The following TPM4 variants were observed in gnomAD, a reference collection of about 807,000 sequenced individuals.
The protein encoded by TPM4 is tropomyosin 4.
Under a neutral mutation model 35.8 loss-of-function variants are expected in TPM4, and 17 were observed. The observed-to-expected ratio is 0.47, with a 90% CI of 0.32 to 0.71. TPM4 has a LOEUF of 0.71. TPM4 is among the 30% of genes least tolerant of loss of function. The probability of loss-of-function intolerance (pLI) is 0.03; values close to 1 mark genes in which losing one functional copy is unlikely to be tolerated. For synonymous variants in TPM4, 120 were observed against 122.9 expected (o/e 0.98, Z 0.15); for missense variants, 240 against 320.9 (o/e 0.75, Z 1.93).
intron 4 of TPM4, chr19:16,088,775 C>G (rs2090590313): frequency 8.2e-7 from 1 of 1,215,222 alleles, no homozygotes; most frequent in South Asian, 1.9e-5. Context: ...TCCTTGCAGC[C>G]TTACCCTTGG....
intron 2 of TPM4, among the ~76,000 whole-genome samples, chr19:16,084,037 C>T (rs1043443002): frequency 3.3e-5 from 5 of 152,146 alleles, no homozygotes; most frequent in Admixed American, 3.3e-4. Flanking sequence ...CGACATTCTC[C>T]TGCCTCAGCC....
Position 16,067,576 on chromosome 19 carries a change from C to T in TPM4, c.-49C>T, listed in dbSNP as rs768549925. ...GCCACAGCCCCTGACTGCCGCAGCC[C>T]CCACAGAGCCCGCCGCGCACCCCAC... is the stretch of plus-strand genomic sequence containing the variant. On this transcript the variant is annotated 5_prime_UTR_variant, in exon 2 of 3. Coordinates refer to the TPM4 transcript ENST00000589897. The surrounding 1 kb of genome is among the most constrained non-coding windows in gnomAD (Gnocchi z 4.1). The T allele has an allele frequency of 3.2e-6, 5 of 1,555,860 alleles. No homozygotes were observed. In the East Asian group the frequency reaches 1.1e-4, roughly 35 times the overall value.
chr19:16,094,209 T>G (rs1437570273), intron 7 of TPM4, among the ~76,000 whole-genome samples: 2 of 151,850 alleles, frequency 1.3e-5, no homozygotes, highest in African/African-American at 2.4e-5. Flanking sequence ...AGAGTATGGC[T>G]CTCTCTGATT....
At chr19:16,087,181 C>T (rs552754634) in intron 3 of TPM4, among the ~76,000 whole-genome samples, 1 of 152,200 alleles carries the variant, frequency 6.6e-6, no homozygotes, top group South Asian at 2.1e-4. Context: ...ACTTGGGAGG[C>T]TGAGGCAGGA....
intron 2 of TPM4, among the ~76,000 whole-genome samples, chr19:16,069,071 G>C (rs1268392372): frequency 6.6e-6 from 1 of 152,202 alleles, no homozygotes; most frequent in Non-Finnish European, 1.5e-5. Context: ...GACAGTGATT[G>C]AAAGTACATG....
intron 2 of TPM4, among the ~76,000 whole-genome samples, chr19:16,084,536 A>C (rs953812282): frequency 6.6e-6 from 1 of 152,210 alleles, no homozygotes; most frequent in Non-Finnish European, 1.5e-5. Flanking sequence ...TGGCAAACCA[A>C]GGGAGGCTGC....
Position 16,070,579 on chromosome 19 carries a change from G to T in TPM4, c.114+2841G>T, listed in dbSNP as rs576417063. Among the ~76,000 whole-genome samples, 2 of 152,200 alleles carry T rather than the reference G, an allele frequency of 1.3e-5. No individual in the cohort carries two copies. The highest frequency in any genetic ancestry group is 1.5e-5 in the Non-Finnish European group (1 of 68,012). On this transcript the variant is annotated intron_variant, in intron 2 of 2. Coordinates refer to the TPM4 transcript ENST00000589897. The surrounding 1 kb of genome is among the most constrained non-coding windows in gnomAD (Gnocchi z 7.4). ...GGCTCAGTCGCTAGGTGTCCCGGAC[G>T]CCTGCATGAGTGAGATACGGAAGTG...
At chr19:16,088,467 C>G in intron 4 of TPM4, 2 of 1,080,330 alleles carry the variant, frequency 1.9e-6, no homozygotes, top group Non-Finnish European at 1.1e-6. Flanking sequence ...TATGTAAATG[C>G]TTTTGCTCCT....
At chr19:16,076,793 C>G in intron 1 of TPM4, 96 bp downstream of exon 1, 1 of 1,269,592 alleles carries the variant, frequency 7.9e-7, no homozygotes, top group East Asian at 3.2e-5. Flanking sequence ...CGCGCGCAGT[C>G]CTCGGGCCGC....
At position 16,089,057 on chromosome 19, in the gene TPM4, C is replaced by T; in HGVS notation, c.468C>T (p.Asp156=). ...RAEVSELKCG[D]LEEELKNVTN... is the part of the protein sequence containing the mutation. The stretch of plus-strand genomic sequence containing the variant: ...TGTCTTTGTGCAGAAAATGTGGTGA[C>T]CTGGAAGAAGAACTCAAGAATGTTA... Residue 156 remains aspartate, a synonymous_variant, in exon 5 of 8, where the codon GAC becomes GAT. Transcript: ENST00000643579. 2 of 1,613,982 alleles carry T rather than the reference C, an allele frequency of 1.2e-6. No individual in the cohort carries two copies. Among genetic ancestry groups the T allele is most frequent in the Non-Finnish European group, 8.5e-7 (1 of 1,179,972 alleles).
intron 2 of TPM4, among the ~76,000 whole-genome samples, chr19:16,071,478 C>G (rs529208372): frequency 4.2e-4 from 64 of 152,332 alleles, no homozygotes; most frequent in South Asian, 8.3e-4. Context: ...AGCCACGGAG[C>G]CTGGTCTTTG....
At chr19:16,069,852 G>A (rs1456243314) in intron 2 of TPM4, among the ~76,000 whole-genome samples, 3 of 152,014 alleles carry the variant, frequency 2.0e-5, no homozygotes, top group Non-Finnish European at 4.4e-5. Context: ...TTCTGCTGGC[G>A]TGTGCATATG....
At chr19:16,076,004 C>T (rs779323814), upstream of TPM4, 1 of 998,882 alleles carries the variant, frequency 1.0e-6, no homozygotes, top group Admixed American at 3.5e-5. Flanking sequence ...GGGGACGTGA[C>T]CCCCCCCCCA....
Position 16,067,760 on chromosome 19 carries a change from C to T in TPM4, c.114+22C>T, listed in dbSNP as rs1470154625. 6.2e-7 allele frequency: 1 copy of T among 1,604,330 alleles called. No individual in the cohort carries two copies. Among genetic ancestry groups the T allele is most frequent in the East Asian group, 2.3e-5 (1 of 44,276 alleles). On this transcript the variant is annotated intron_variant, in intron 2 of 2. Coordinates refer to the TPM4 transcript ENST00000589897. This position sits in a 1 kb window ranked among gnomAD's most constrained non-coding sequence, Gnocchi z 4.1. ...GCAGGTGAGGTGCCCTCCGCTGGGCCGCTCCGGGCTGCTGGGAGTCCTCTC... is the reference window on the plus strand; with the variant it reads ...GCAGGTGAGGTGCCCTCCGCTGGGCTGCTCCGGGCTGCTGGGAGTCCTCTC...
At position 16,070,267 on chromosome 19, in the gene TPM4, T is replaced by C. The variant is rs1481769359; in HGVS notation, c.114+2529T>C. On this transcript the variant is annotated intron_variant, in intron 2 of 2. Transcript: ENST00000589897. The surrounding 1 kb of genome is among the most constrained non-coding windows in gnomAD (Gnocchi z 7.4). ...GTCCTGGGAACCCTGGCAATGAGAA[T>C]GCATTGGAGTTCCAAGGCCGTGGCC... Among the ~76,000 whole-genome samples, 1 of 152,072 alleles carries C rather than the reference T, an allele frequency of 6.6e-6. No homozygotes were observed. Among genetic ancestry groups the C allele is most frequent in the Non-Finnish European group, 1.5e-5 (1 of 67,996 alleles).
intron 2 of TPM4, among the ~76,000 whole-genome samples, chr19:16,069,644 C>T (rs1301736628): frequency 2.4e-5 from 3 of 126,208 alleles, no homozygotes; most frequent in Non-Finnish European, 5.1e-5. Context: ...GTGTGTGTTT[C>T]TGTTGGTGTG....
chr19:16,068,753 CTG>C (rs995155465), intron 2 of TPM4, among the ~76,000 whole-genome samples: 109 of 151,812 alleles, frequency 7.2e-4, no homozygotes, highest in Admixed American at 5.0e-3. Context: ...GAGAGCAGTT[CTG>C]TGTGTGTGTG....
intron 1 of TPM4, 147 bp downstream of exon 1, chr19:16,076,844 T>G: frequency 1.6e-6 from 2 of 1,243,466 alleles, no homozygotes; most frequent in Non-Finnish European, 2.0e-6. Context: ...CCCACATCCC[T>G]GCGCCCGCAG....
chr19:16,068,534 G>C (rs2090320871), intron 2 of TPM4, among the ~76,000 whole-genome samples: 1 of 152,216 alleles, frequency 6.6e-6, no homozygotes, highest in South Asian at 2.1e-4. Flanking sequence ...GTGTGTGTCT[G>C]TGTGTGTATC....
Sources: gnomAD v4.1 joint callset for allele counts (sites outside exome capture counted in the v4.1 genomes callset) on GRCh38, gnomAD v4.1.1 for gene constraint, Gnocchi (gnomAD v3.1) non-coding constraint, MANE v1.5 for transcripts, NCBI Gene and HGNC (gene_info 2026-07-23, HGNC 2026-07-21) for gene names.